RIC1: variants seen among roughly 807,000 people sequenced by gnomAD.
RIC1 encodes the protein RIC1 partner of RAB6A GEF complex, also known as guanine nucleotide exchange factor subunit RIC1.
RIC1 carries 88 observed loss-of-function variants against 169.0 expected under a neutral mutation model. That is an observed-to-expected ratio of 0.52 (90% confidence interval 0.44 to 0.62). The LOEUF (loss-of-function observed/expected upper bound fraction) is 0.62, where lower values mean the gene tolerates loss of function less well. Among genes scored for constraint, RIC1 ranks in the 20% least tolerant of loss-of-function variants. The pLI is 0.00. For missense variants in RIC1, 1,877 were observed against 1,725.5 expected (o/e 1.09, Z -1.56); for synonymous variants, 790 against 601.5 (o/e 1.31, Z -4.59).
chr9:5,631,967 GA>G (rs970023479), intron 1 of RIC1, among the ~76,000 whole-genome samples: 108 of 152,298 alleles, frequency 7.1e-4, no homozygotes, highest in African/African-American at 2.5e-3. Context: ...AATTTAGAGT[GA>G]ATTGGTTTAA....
intron 3 of RIC1, 31 bp downstream of exon 3, chr9:5,690,069 T>A (rs1166037036): frequency 1.4e-6 from 2 of 1,401,396 alleles, no homozygotes; most frequent in African/African-American, 1.5e-5. Context: ...TCTTTTAATA[T>A]GTGATTTGCA....
At chr9:5,752,882 A>G (rs1825806407) in intron 12 of RIC1, among the ~76,000 whole-genome samples, 1 of 152,196 alleles carries the variant, frequency 6.6e-6, no homozygotes, top group African/African-American at 2.4e-5. Flanking sequence ...TCATCTGCAC[A>G]ATTCATAGCT....
At chr9:5,671,953 C>T in intron 2 of RIC1, among the ~76,000 whole-genome samples, 1 of 152,296 alleles carries the variant, frequency 6.6e-6, no homozygotes, top group East Asian at 1.9e-4. Flanking sequence ...ACTGTGTCTG[C>T]TCCTGGAAGT....
At chr9:5,689,410 A>G (rs1017390952) in intron 2 of RIC1, among the ~76,000 whole-genome samples, 1 of 152,192 alleles carries the variant, frequency 6.6e-6, no homozygotes, top group Non-Finnish European at 1.5e-5. Context: ...CTGATACTCA[A>G]ATTTTGGAAA....
chr9:5,683,782 G>A (rs900134831), intron 2 of RIC1, among the ~76,000 whole-genome samples: 13 of 152,196 alleles, frequency 8.5e-5, no homozygotes, highest in Non-Finnish European at 1.8e-4. Flanking sequence ...CTTGAGCTGT[G>A]GTGGGCTCCA....
intron 3 of RIC1, among the ~76,000 whole-genome samples, chr9:5,698,088 A>G (rs1326517347): frequency 3.3e-5 from 5 of 152,172 alleles, no homozygotes; most frequent in Admixed American, 6.5e-5. Context: ...CCCCAAATCT[A>G]TTAGGTTATT....
chr9:5,750,871 G>T (rs1189509416), intron 12 of RIC1, among the ~76,000 whole-genome samples: 1 of 151,634 alleles, frequency 6.6e-6, no homozygotes, highest in Non-Finnish European at 1.5e-5. Flanking sequence ...CAATAAAGTT[G>T]ACCTACTGGA....
At chr9:5,722,348 A>AGACAGAGAGTGT (rs374028302) in intron 6 of RIC1, among the ~76,000 whole-genome samples, 1 of 131,298 alleles carries the variant, frequency 7.6e-6, no homozygotes, top group Non-Finnish European at 1.6e-5. Context: ...AGAGAGAGAG[A>AGACAGAGAGTGT]GTGTGTGTGT....
At chr9:5,651,858 G>T (rs887643517) in intron 1 of RIC1, among the ~76,000 whole-genome samples, 2 of 152,146 alleles carry the variant, frequency 1.3e-5, no homozygotes, top group Admixed American at 1.3e-4. Flanking sequence ...ATGAGCCACC[G>T]CACCTAGCCT....
At chr9:5,649,337 C>G (rs974967378) in intron 1 of RIC1, among the ~76,000 whole-genome samples, 1 of 152,112 alleles carries the variant, frequency 6.6e-6, no homozygotes, top group African/African-American at 2.4e-5. Flanking sequence ...ACCAAAAATT[C>G]AAATAGATCA....
chr9:5,704,233 T>G (rs527977420), intron 3 of RIC1, among the ~76,000 whole-genome samples: 1 of 152,208 alleles, frequency 6.6e-6, no homozygotes, highest in African/African-American at 2.4e-5. Flanking sequence ...TTTTTATTTT[T>G]TTAAAGAAAG....
chr9:5,745,024 C>G (rs1340962336), intron 10 of RIC1, among the ~76,000 whole-genome samples: 3 of 152,066 alleles, frequency 2.0e-5, no homozygotes, highest in South Asian at 4.1e-4. Flanking sequence ...CACCAAGGAC[C>G]CCTTCTGATG....
At chr9:5,693,392 GTGT>G (rs1821700178) in intron 3 of RIC1, among the ~76,000 whole-genome samples, 1 of 152,176 alleles carries the variant, frequency 6.6e-6, no homozygotes, top group Admixed American at 6.5e-5. Context: ...TTTCCACCTA[GTGT>G]TGTTTCTAGC....
chr9:5,675,055 G>A (rs1000434141), intron 2 of RIC1, among the ~76,000 whole-genome samples: 1 of 152,224 alleles, frequency 6.6e-6, no homozygotes, highest in Non-Finnish European at 1.5e-5. Flanking sequence ...TACAGATGGA[G>A]CAATGGTGAG....
intron 21 of RIC1, among the ~76,000 whole-genome samples, chr9:5,766,057 T>G (rs1315396722): frequency 2.0e-5 from 3 of 151,878 alleles, no homozygotes. Flanking sequence ...AACAAACTTG[T>G]TTAAGACAGA....
intron 7 of RIC1, among the ~76,000 whole-genome samples, chr9:5,737,125 G>A (rs1345847491): frequency 6.6e-6 from 1 of 152,126 alleles, no homozygotes; most frequent in Non-Finnish European, 1.5e-5. Context: ...TAAAACAGGA[G>A]CCTCATTTTC....
chr9:5,723,572 A>C lies in RIC1; in HGVS notation c.720+2822A>C, dbSNP rs528089887. 5.0e-3 allele frequency among the ~76,000 whole-genome samples: 765 copies of C among 152,094 alleles called. 6 individuals are homozygous for C. The highest frequency in any genetic ancestry group is 6.9e-3 in the Non-Finnish European group (471 of 67,980). ...AAGCTCTTTAGTTGAATTAGATCCC[A>C]TTTGTCAATTTTGGCTTTTGTTGCC... On this transcript the variant is annotated intron_variant, in intron 6 of 25. Coordinates refer to ENST00000414202, the MANE Select transcript of RIC1 (RefSeq NM_020829.4).
At chr9:5,670,249 T>C (rs1470746257) in intron 2 of RIC1, among the ~76,000 whole-genome samples, 2 of 152,250 alleles carry the variant, frequency 1.3e-5, no homozygotes, top group African/African-American at 4.8e-5. Flanking sequence ...CAACCCTATG[T>C]AACTGCCAAG....
chr9:5,753,163 C>A, intron 12 of RIC1, 37 bp from the exon 13 acceptor site: 7 of 1,561,430 alleles, frequency 4.5e-6, no homozygotes, highest in Non-Finnish European at 6.2e-6. Flanking sequence ...AAATATATTT[C>A]ATAAGTTTTA....
Sources: gnomAD v4.1 joint callset for allele counts (sites outside exome capture counted in the v4.1 genomes callset) on GRCh38, gnomAD v4.1.1 for gene constraint, MANE v1.5 for transcripts, NCBI Gene and HGNC (gene_info 2026-07-23, HGNC 2026-07-21) for gene names.